The following BNIPL variants were observed in gnomAD, a reference collection of about 807,000 sequenced individuals.
The protein encoded by BNIPL is BCL2 interacting protein like.
Under a neutral mutation model 47.0 loss-of-function variants are expected in BNIPL, and 33 were observed. The ratio of observed to expected loss-of-function variants is 0.70; its 90% confidence interval spans 0.53 to 0.94. BNIPL has a LOEUF of 0.94. Ranked by LOEUF, BNIPL falls within the 40% of genes least tolerant of loss-of-function variation. The pLI is 0.00. For synonymous variants in BNIPL, 145 were observed against 162.7 expected (o/e 0.89, Z 0.83); for missense variants, 404 against 445.2 (o/e 0.91, Z 0.83).
chr1:151,040,484 C>G (rs1675778547), intron 4 of BNIPL, among the ~76,000 whole-genome samples: 2 of 150,416 alleles, frequency 1.3e-5, no homozygotes, highest in Admixed American at 6.6e-5. Context: ...CTCGGCTATG[C>G]AACTATTTTT....
chr1:151,037,351 TTACATTCCA>T (rs1675647682), intron 1 of BNIPL: 1 of 1,277,194 alleles, frequency 7.8e-7, no homozygotes, highest in South Asian at 1.9e-5. Context: ...ATGATTAACT[TTACATTCCA>T]TCTTTCGTCT....
Position 151,043,359 on chromosome 1 carries a change from T to C in BNIPL, c.644T>C (p.Val215Ala), listed in dbSNP as rs1369172012. The C allele has an allele frequency of 6.2e-7, 1 of 1,611,130 alleles. No homozygotes were observed. Among genetic ancestry groups the C allele is most frequent in the African/African-American group, 1.3e-5 (1 of 74,836 alleles). The change falls in exon 6 of 10, where the codon GTC becomes GCC. Residue 215 changes from valine (V) to alanine (A), a missense_variant. Physicochemically the swap from Val to Ala is moderately conservative, Grantham distance 64. Transcript: ENST00000368931. ...TACCACGGTGATGGCCTCAATGCTG[T>C]CATCCTTTTTGCTTCCTGTTATCTA... is the stretch of plus-strand genomic sequence containing the variant. ...GGYHGDGLNA[V>A]ILFASCYLPR...
intron 4 of BNIPL, among the ~76,000 whole-genome samples, chr1:151,041,240 T>A (rs1218769195): frequency 6.6e-6 from 1 of 151,560 alleles, no homozygotes; most frequent in Non-Finnish European, 1.5e-5. Context: ...ATAGAGGGTC[T>A]ATTGGAAAAA....
At chr1:151,046,295 A>G (rs1196253296) in intron 9 of BNIPL, 130 bp downstream of exon 9, 24 of 1,403,504 alleles carry the variant, frequency 1.7e-5, no homozygotes, top group Middle Eastern at 3.9e-4. Context: ...GCTTTAATGT[A>G]TATGGGGAAA....
Position 151,046,736 on chromosome 1 carries a change from C to T in BNIPL, c.*49C>T. 7.0e-7 allele frequency: 1 copy of T among 1,432,000 alleles called. No individual in the cohort carries two copies. Among genetic ancestry groups the T allele is most frequent in the East Asian group, 2.3e-5 (1 of 42,760 alleles). 88.7% of individuals were successfully genotyped at this position (1,432,000 alleles called of 1,614,324 possible). ...AGAACCAGTTAGTGATCTGCCTACA[C>T]CTGAATCCCTGAAACATCTGAACTG... On this transcript the variant is annotated 3_prime_UTR_variant, in exon 10 of 10. Transcript: ENST00000368931.
chr1:151,041,799 C>A (rs1285277982), intron 4 of BNIPL, among the ~76,000 whole-genome samples: 2 of 152,118 alleles, frequency 1.3e-5, no homozygotes, highest in Admixed American at 6.5e-5. Context: ...CATGGCAAAA[C>A]CTCGTCTCTA....
intron 7 of BNIPL, among the ~76,000 whole-genome samples, chr1:151,044,001 T>C (rs1675923307): frequency 6.6e-6 from 1 of 152,186 alleles, no homozygotes; most frequent in African/African-American, 2.4e-5. Flanking sequence ...TTTGTTTTTT[T>C]TGAGACAGGA....
intron 7 of BNIPL, 149 bp downstream of exon 7, chr1:151,043,876 G>A (rs1233299479): frequency 9.6e-7 from 1 of 1,041,054 alleles, no homozygotes; most frequent in East Asian, 2.6e-5. Context: ...TCTTCTCTTG[G>A]AGTCAAGGAA....
At position 151,047,564 on chromosome 1, in the gene BNIPL, A is replaced by G; in HGVS notation, c.*877A>G. On this transcript the variant is annotated 3_prime_UTR_variant, in exon 10 of 10. Transcript: ENST00000368931. ...AGTAAATTTAGAACTGTAGAGGCTAATAAACTGCGATGAGACATTTAAGCT... is the reference window on the plus strand; with the variant it reads ...AGTAAATTTAGAACTGTAGAGGCTAGTAAACTGCGATGAGACATTTAAGCT... 2.1e-6 allele frequency: 1 copy of G among 474,218 alleles called. No individual in the cohort carries two copies. The highest frequency in any genetic ancestry group is 3.7e-6 in the Non-Finnish European group (1 of 271,174). The allele number at this position is 474,218 out of a possible 1,614,324, so 29.4% of individuals were successfully genotyped here.
At chr1:151,039,161 A>G (rs1174508358) in intron 4 of BNIPL, 135 bp downstream of exon 4, 15 of 1,303,420 alleles carry the variant, frequency 1.2e-5, no homozygotes, top group Non-Finnish European at 1.4e-5. Flanking sequence ...TAGTTTCCTC[A>G]AATGGAACTT....
At chr1:151,036,859 G>C in intron 1 of BNIPL, 93 bp downstream of exon 1, 2 of 1,321,568 alleles carry the variant, frequency 1.5e-6, no homozygotes, top group Non-Finnish European at 2.2e-6. Flanking sequence ...GTCAAATCTC[G>C]GGTTCCTCAA....
At chr1:151,046,203 A>G in intron 9 of BNIPL, 38 bp downstream of exon 9, 1 of 1,611,852 alleles carries the variant, frequency 6.2e-7, no homozygotes, top group Non-Finnish European at 8.5e-7. Flanking sequence ...TTGGGGTGGG[A>G]TGTGTAAAGC....
chr1:151,043,237 T>TTAATCTA, intron 5 of BNIPL, 95 bp from the exon 6 acceptor site: 1 of 1,520,838 alleles, frequency 6.6e-7, no homozygotes, highest in East Asian at 2.3e-5. Flanking sequence ...ATCCTGGAAC[T>TTAATCTA]TCCAGAGACC....
chr1:151,036,861 G>T, intron 1 of BNIPL, 95 bp downstream of exon 1: 1 of 1,272,294 alleles, frequency 7.9e-7, no homozygotes, highest in Non-Finnish European at 1.1e-6. Flanking sequence ...CAAATCTCGG[G>T]TTCCTCAAGG....
chr1:151,046,783 C>G lies in BNIPL; in HGVS notation c.*96C>G. 1 of 965,234 alleles carries G rather than the reference C, an allele frequency of 1.0e-6. No homozygotes were observed. Among genetic ancestry groups the G allele is most frequent in the Non-Finnish European group, 1.5e-6 (1 of 652,762 alleles). 59.8% of individuals were successfully genotyped at this position (965,234 alleles called of 1,614,324 possible). ...ACTGTTTTGTAAATCATCTTATCCC[C>G]AACCTCAGTACCACCGGATCTTCAC... On this transcript the variant is annotated 3_prime_UTR_variant, in exon 10 of 10. Transcript: ENST00000368931.
intron 1 of BNIPL, 81 bp from the exon 2 acceptor site, chr1:151,037,486 T>A: frequency 6.6e-7 from 1 of 1,524,806 alleles, no homozygotes. Flanking sequence ...CTGCTCTGTA[T>A]CTCAATTACT....
At position 151,038,841 on chromosome 1, in the gene BNIPL, T is replaced by C. The variant is rs750540833; in HGVS notation, c.248T>C (p.Met83Thr). ...STLALCGQRP[M>T]RKRLSAPELR... ...TTAGCCCTGTGTGGCCAGCGCCCCA[T>C]GCGCAAGCGTCTTTCTGCCCCAGAG... The change falls in exon 4 of 10, where the codon ATG becomes ACG. Residue 83 changes from methionine to threonine, a missense_variant. Met to Thr is a moderately conservative substitution (Grantham distance 81). Transcript: ENST00000368931. 14 of 1,612,216 alleles carry C rather than the reference T, an allele frequency of 8.7e-6. No individual in the cohort carries two copies. The highest frequency in any genetic ancestry group is 3.3e-5 in the South Asian group (3 of 90,954).
chr1:151,036,869 A>C, intron 1 of BNIPL, 103 bp downstream of exon 1: 1 of 1,180,596 alleles, frequency 8.5e-7, no homozygotes, highest in East Asian at 2.4e-5. Flanking sequence ...GGGTTCCTCA[A>C]GGAGACAAGA....
At chr1:151,045,104 A>G (rs1042958297) in intron 7 of BNIPL, 19 of 387,014 alleles carry the variant, frequency 4.9e-5, no homozygotes, top group African/African-American at 6.7e-5. Flanking sequence ...TATCTCTACT[A>G]AAAAAATACA....
Sources: allele counts gnomAD v4.1 joint callset (sites outside exome capture counted in the v4.1 genomes callset), GRCh38; gene constraint gnomAD v4.1.1; transcripts MANE v1.5; gene names NCBI Gene and HGNC (gene_info 2026-07-23, HGNC 2026-07-21).